The following UHRF1 variants were observed in gnomAD, a reference collection of about 807,000 sequenced individuals.
The protein encoded by UHRF1 is E3 ubiquitin-protein ligase UHRF1.
A neutral mutation model predicts 96.5 loss-of-function variants in UHRF1; 9 were observed. The observed-to-expected ratio is 0.09, with a 90% CI of 0.06 to 0.16. UHRF1 has a LOEUF of 0.16. Ranked by LOEUF, UHRF1 falls within the 10% of genes least tolerant of loss-of-function variation. The pLI is 1.00. For synonymous variants in UHRF1, 455 were observed against 469.9 expected (o/e 0.97, Z 0.41); for missense variants, 626 against 1,131.1 (o/e 0.55, Z 6.40).
At chr19:4,945,614 T>A (rs2033538762) in intron 9 of UHRF1, among the ~76,000 whole-genome samples, 1 of 150,800 alleles carries the variant, frequency 6.6e-6, no homozygotes, top group Non-Finnish European at 1.5e-5. Flanking sequence ...GCAGTGAGGA[T>A]GCCCCGTGCA....
chr19:4,959,489 C>T lies in UHRF1; in HGVS notation c.2236-1168C>T, dbSNP rs145525702. Among the ~76,000 whole-genome samples the T allele has an allele frequency of 4.6e-5, 7 of 152,240 alleles. 1 individual carries two copies. The highest frequency in any genetic ancestry group is 3.9e-4 in the East Asian group (2 of 5,158). On this transcript the variant is annotated intron_variant, in intron 16 of 16. Coordinates refer to ENST00000650932, the MANE Select transcript of UHRF1 (RefSeq NM_001048201.3). ...GCGTAGGCATCTGTGCACCTGTGTA[C>T]GGCGTGTCACTCCTCCCTGGCGTGC...
chr19:4,929,260 C>A lies in UHRF1; in HGVS notation c.192C>A (p.Arg64=). ...ATACCCTCTTCGACTACGAGGTCCG[C>A]CTGAATGACACCATCCAGCTCCTGG... is the stretch of plus-strand genomic sequence containing the variant. The part of the protein sequence containing the change: ...DGHTLFDYEV[R]LNDTIQLLVR... Residue 64 remains arginine, a synonymous_variant, in exon 3 of 17, where the codon CGC becomes CGA. Transcript: ENST00000650932. 1 of 1,613,928 alleles carries A rather than the reference C, an allele frequency of 6.2e-7. No homozygotes were observed. The highest frequency in any genetic ancestry group is 8.5e-7 in the Non-Finnish European group (1 of 1,179,884).
intron 16 of UHRF1, among the ~76,000 whole-genome samples, chr19:4,958,168 C>G (rs1008008707): frequency 1.3e-5 from 2 of 152,240 alleles, no homozygotes; most frequent in Non-Finnish European, 2.9e-5. Flanking sequence ...TGAGTCCCTT[C>G]AGCTGTGTGG....
chr19:4,956,147 T>C (rs544912813), intron 15 of UHRF1, among the ~76,000 whole-genome samples: 1 of 152,252 alleles, frequency 6.6e-6, no homozygotes, highest in African/African-American at 2.4e-5. Flanking sequence ...GTCAGGCTGG[T>C]CTCGAACTCC....
chr19:4,905,717 C>T (rs1286716782), upstream of UHRF1, among the ~76,000 whole-genome samples: 1 of 151,968 alleles, frequency 6.6e-6, no homozygotes, highest in Non-Finnish European at 1.5e-5. Context: ...GGGGTTTCAC[C>T]GTGTTAGCCA....
At chr19:4,959,917 A>G (rs1176364938) in intron 16 of UHRF1, among the ~76,000 whole-genome samples, 1 of 152,108 alleles carries the variant, frequency 6.6e-6, no homozygotes, top group Admixed American at 6.6e-5. Flanking sequence ...CTGGAGTGCA[A>G]TGGCGTGATC....
At chr19:4,915,624 G>T (rs1250551102) in intron 2 of UHRF1, among the ~76,000 whole-genome samples, 1 of 151,950 alleles carries the variant, frequency 6.6e-6, no homozygotes, top group East Asian at 1.9e-4. Context: ...CAGGAGAATC[G>T]CTTGAACCTG....
exon 1 of UHRF1, chr19:4,903,267 C>T (rs150009893): frequency 0.013 from 2,326 of 174,160 alleles, 63 homozygotes; most frequent in African/African-American, 0.052. Flanking sequence ...ATCCACCCAC[C>T]TCAGCCTCCC....
intron 16 of UHRF1, among the ~76,000 whole-genome samples, chr19:4,957,329 G>A (rs197162): frequency 1.5e-3 from 150 of 102,672 alleles, no homozygotes; most frequent in African/African-American, 6.1e-3. Context: ...TTTTTTCTGA[G>A]ACAGAGTCTC....
Position 4,932,959 on chromosome 19 carries a change from G to A in UHRF1, c.785+3G>A. ...CTCTACGCCAACGTGGTGCTGGGGT[G>A]AGCCTCGCGTCCTGGGGCGAGCCCT... is the stretch of plus-strand genomic sequence containing the variant. On this transcript the variant is annotated splice_donor_region_variant and intron_variant, in intron 5 of 16. Coordinates refer to ENST00000650932, the MANE Select transcript of UHRF1 (RefSeq NM_001048201.3). 2 of 1,604,820 alleles carry A rather than the reference G, an allele frequency of 1.2e-6. No individual in the cohort carries two copies. The highest frequency in any genetic ancestry group is 1.7e-6 in the Non-Finnish European group (2 of 1,175,266).
At chr19:4,908,506 C>T (rs1315963974), upstream of UHRF1, among the ~76,000 whole-genome samples, 2 of 152,110 alleles carry the variant, frequency 1.3e-5, no homozygotes, top group Non-Finnish European at 2.9e-5. Flanking sequence ...ACACCAGCCC[C>T]TTCCTGCTCC....
chr19:4,907,469 A>G (rs1234220110), upstream of UHRF1, among the ~76,000 whole-genome samples: 3 of 151,836 alleles, frequency 2.0e-5, no homozygotes, highest in East Asian at 3.9e-4. Context: ...GGGTTTCACC[A>G]TGTTGACCAG....
At chr19:4,953,816 C>T (rs2033782134) in intron 13 of UHRF1, among the ~76,000 whole-genome samples, 1 of 152,112 alleles carries the variant, frequency 6.6e-6, no homozygotes, top group African/African-American at 2.4e-5. Flanking sequence ...ATGACTGAGG[C>T]AGGTGGATCA....
rs778526845 is a variant in UHRF1 at position 4,910,879 on chromosome 19, C to G, written c.-7C>G. On this transcript the variant is annotated 5_prime_UTR_variant, in exon 2 of 17. Coordinates refer to ENST00000650932, the MANE Select transcript of UHRF1 (RefSeq NM_001048201.3). ...TTTTTGCTGTCCCTCCCCTCAGCGC[C>G]GACACCATGTGGATCCAGGTTCGGA... The G allele has an allele frequency of 1.9e-6, 3 of 1,605,902 alleles. No individual in the cohort carries two copies. The highest frequency in any genetic ancestry group is 2.6e-6 in the Non-Finnish European group (3 of 1,174,764).
At chr19:4,951,398 C>A (rs2033713730) in intron 13 of UHRF1, among the ~76,000 whole-genome samples, 1 of 152,102 alleles carries the variant, frequency 6.6e-6, no homozygotes. Context: ...GCTTGTGGTG[C>A]TCATGTTCTG....
At chr19:4,933,182 C>T (rs1324293261) in intron 5 of UHRF1, among the ~76,000 whole-genome samples, 1 of 152,344 alleles carries the variant, frequency 6.6e-6, no homozygotes, top group South Asian at 2.1e-4. Context: ...GGAACTGTCT[C>T]TGACCCCCAG....
At chr19:4,904,278 A>G (rs567004424) in intron 1 of UHRF1, among the ~76,000 whole-genome samples, 28 of 152,056 alleles carry the variant, frequency 1.8e-4, no homozygotes, top group Admixed American at 1.3e-3. Context: ...TCCCGTGTTC[A>G]TGCCATTCTC....
At position 4,954,921 on chromosome 19, in the gene UHRF1, C is replaced by A; in HGVS notation, c.2130+99C>A. 6.9e-7 allele frequency: 1 copy of A among 1,439,222 alleles called. No individual in the cohort carries two copies. The highest frequency in any genetic ancestry group is 9.6e-7 in the Non-Finnish European group (1 of 1,045,306). The allele number at this position is 1,439,222 out of a possible 1,614,324, so 89.2% of individuals were successfully genotyped here. A position where few individuals can be genotyped will look rare whatever the true frequency, so the allele number is the denominator to read the frequency against. On this transcript the variant is annotated intron_variant, in intron 15 of 16. Transcript: ENST00000650932. This position sits in a 1 kb window ranked among gnomAD's most constrained non-coding sequence, Gnocchi z 5.9. Reference sequence around the variant, plus strand: ...GTTCCCCATTTTCAAGTGTACAGCTCAGTCGCACTGAGTACATTCTTGTGG... The same window carrying A: ...GTTCCCCATTTTCAAGTGTACAGCTAAGTCGCACTGAGTACATTCTTGTGG...
rs1171291455 is a variant in UHRF1 at position 4,909,874 on chromosome 19, G to A, written c.-11+219G>A. 1.8e-5 allele frequency: 7 copies of A among 379,814 alleles called. No individual in the cohort carries two copies. The East Asian group carries it at 2.7e-4, about 15-fold the overall frequency. 23.5% of individuals were successfully genotyped at this position (379,814 alleles called of 1,614,324 possible). On this transcript the variant is annotated intron_variant, in intron 1 of 16. Transcript: ENST00000650932. ...CGCTGCGTCCCCGGAGCCCGGCGGG[G>A]GGTCGAGCGCGCCGGGTGGGGGAGG...
Sources: allele counts gnomAD v4.1 joint callset (sites outside exome capture counted in the v4.1 genomes callset), GRCh38; gene constraint gnomAD v4.1.1; non-coding constraint Gnocchi (gnomAD v3.1); transcripts MANE v1.5; gene names NCBI Gene and HGNC (gene_info 2026-07-23, HGNC 2026-07-21).